The following FOXP1 variants were observed in gnomAD, a reference collection of about 807,000 sequenced individuals.
FOXP1 encodes the protein forkhead box protein P1.
Under a neutral mutation model 98.2 loss-of-function variants are expected in FOXP1, and 15 were observed. The ratio of observed to expected loss-of-function variants is 0.15; its 90% CI spans 0.10 to 0.24. FOXP1 has a LOEUF of 0.24. Among genes scored for constraint, FOXP1 ranks in the 10% least tolerant of loss-of-function variants. FOXP1 has a pLI of 1.00. For missense variants in FOXP1, 633 were observed against 848.5 expected, an observed-to-expected ratio of 0.75 and a Z score of 3.15; for synonymous variants, 371 against 314.5, an observed-to-expected ratio of 1.18 and a Z score of -1.90.
intron 5 of FOXP1, among the ~76,000 whole-genome samples, chr3:71,278,823 A>G (rs2071197304): frequency 6.6e-6 from 1 of 152,004 alleles, no homozygotes; most frequent in East Asian, 1.9e-4. Flanking sequence ...TAAAATACCA[A>G]TTAAATAATA....
intron 6 of FOXP1, among the ~76,000 whole-genome samples, chr3:71,144,238 C>G (rs780168292): frequency 6.6e-6 from 1 of 152,144 alleles, no homozygotes; most frequent in Non-Finnish European, 1.5e-5. Context: ...AGTCCACCTC[C>G]GGAGCAGAGA....
chr3:71,176,014 A>G (rs886128521), intron 6 of FOXP1, among the ~76,000 whole-genome samples: 1 of 152,244 alleles, frequency 6.6e-6, no homozygotes, highest in Non-Finnish European at 1.5e-5. Flanking sequence ...TAACGAAAGT[A>G]ACTGTGGCAA....
chr3:71,087,039 A>G (rs904173654), intron 7 of FOXP1, among the ~76,000 whole-genome samples: 3 of 152,250 alleles, frequency 2.0e-5, no homozygotes, highest in African/African-American at 4.8e-5. Context: ...TGCAGTCACC[A>G]TAACAGTAAA....
chr3:71,318,096 C>T (rs1480058394), intron 4 of FOXP1, among the ~76,000 whole-genome samples: 1 of 150,940 alleles, frequency 6.6e-6, no homozygotes, highest in Non-Finnish European at 1.5e-5. Flanking sequence ...AAGAGTAAGT[C>T]ATTTTTAAAA....
At chr3:71,239,736 A>T (rs900350846) in intron 5 of FOXP1, among the ~76,000 whole-genome samples, 2 of 152,232 alleles carry the variant, frequency 1.3e-5, no homozygotes, top group African/African-American at 2.4e-5. Context: ...TAAGTGTTAC[A>T]CTTTGCTTTA....
At chr3:71,196,019 A>T (rs2063279007) in intron 6 of FOXP1, among the ~76,000 whole-genome samples, 1 of 152,326 alleles carries the variant, frequency 6.6e-6, no homozygotes, top group South Asian at 2.1e-4. Context: ...AGGGGAGTTG[A>T]ACAGCTGTCA....
chr3:71,510,848 A>C (rs2042155865), intron 2 of FOXP1, among the ~76,000 whole-genome samples: 1 of 152,250 alleles, frequency 6.6e-6, no homozygotes, highest in Admixed American at 6.5e-5. Flanking sequence ...AAAAATCAGT[A>C]CATGCCTCAT....
intron 5 of FOXP1, among the ~76,000 whole-genome samples, chr3:71,239,426 C>G (rs1440691713): frequency 6.6e-6 from 1 of 152,070 alleles, no homozygotes; most frequent in East Asian, 1.9e-4. Flanking sequence ...TGCCCGTAAT[C>G]CCAGCTACTC....
chr3:71,185,648 TAAG>T (rs1166644093), intron 6 of FOXP1, among the ~76,000 whole-genome samples: 1 of 152,196 alleles, frequency 6.6e-6, no homozygotes, highest in East Asian at 1.9e-4. Flanking sequence ...CAGTATGGTA[TAAG>T]AAGACCTCTC....
intron 2 of FOXP1, among the ~76,000 whole-genome samples, chr3:71,576,053 ATCTAT>A (rs1290129071): frequency 1.3e-5 from 2 of 152,352 alleles, no homozygotes; most frequent in Non-Finnish European, 2.9e-5. Context: ...TCCTAAGCAA[ATCTAT>A]TCTATTGAAC....
intron 6 of FOXP1, among the ~76,000 whole-genome samples, chr3:71,195,706 GA>G (rs1249167589): frequency 6.6e-6 from 1 of 152,208 alleles, no homozygotes; most frequent in Non-Finnish European, 1.5e-5. Flanking sequence ...TGCAGTTATT[GA>G]AATTTTATCC....
At chr3:71,367,619 C>T (rs2079013581) in intron 3 of FOXP1, among the ~76,000 whole-genome samples, 1 of 152,046 alleles carries the variant, frequency 6.6e-6, no homozygotes, top group African/African-American at 2.4e-5. Context: ...ATATCTTTAC[C>T]TAAAAAAATC....
chr3:71,068,987 T>C (rs1231399757), intron 7 of FOXP1, among the ~76,000 whole-genome samples: 2 of 152,240 alleles, frequency 1.3e-5, no homozygotes, highest in Admixed American at 6.5e-5. Context: ...GCAGTGCTTT[T>C]ACTTAAAAAT....
chr3:71,021,823 A>G (rs1468124504), intron 11 of FOXP1, among the ~76,000 whole-genome samples: 1 of 152,230 alleles, frequency 6.6e-6, no homozygotes, highest in Non-Finnish European at 1.5e-5. Context: ...TGTATCTTCT[A>G]CAGCAAAATG....
chr3:71,154,683 G>A (rs943454960), intron 6 of FOXP1, among the ~76,000 whole-genome samples: 1 of 152,156 alleles, frequency 6.6e-6, no homozygotes, highest in African/African-American at 2.4e-5. Context: ...TAACCTTGCG[G>A]TGCCTCAGTC....
intron 3 of FOXP1, among the ~76,000 whole-genome samples, chr3:71,448,311 A>G (rs1054650593): frequency 1.3e-5 from 2 of 152,224 alleles, no homozygotes; most frequent in African/African-American, 2.4e-5. Context: ...AAGTCTGCGA[A>G]AACAGTATGG....
At chr3:71,500,490 G>C (rs1201197996) in intron 2 of FOXP1, among the ~76,000 whole-genome samples, 2 of 152,114 alleles carry the variant, frequency 1.3e-5, no homozygotes, top group East Asian at 3.9e-4. Flanking sequence ...CATCCTGCTG[G>C]CTTCAGAACA....
intron 5 of FOXP1, among the ~76,000 whole-genome samples, chr3:71,249,390 A>G (rs1482136090): frequency 6.6e-6 from 1 of 152,270 alleles, no homozygotes; most frequent in East Asian, 1.9e-4. Flanking sequence ...ATTCTTAAAT[A>G]TGCCGGCAGT....
At chr3:71,236,899 G>GA (rs2066832222) in intron 5 of FOXP1, among the ~76,000 whole-genome samples, 1 of 149,962 alleles carries the variant, frequency 6.7e-6, no homozygotes, top group South Asian at 2.1e-4. Context: ...AAAAGAAAAA[G>GA]AAAAAAATAA....
Sources: allele counts gnomAD v4.1 joint callset (sites outside exome capture counted in the v4.1 genomes callset), GRCh38; gene constraint gnomAD v4.1.1; transcripts MANE v1.5; gene names NCBI Gene and HGNC (gene_info 2026-07-23, HGNC 2026-07-21).